The following AGBL4 variants were observed in gnomAD, a reference collection of about 807,000 sequenced individuals.
AGBL4 encodes AGBL carboxypeptidase 4, also known as cytosolic carboxypeptidase 6.
In AGBL4, 58 loss-of-function variants were observed where a neutral mutation model predicts 66.4. That is an observed-to-expected ratio of 0.87 (90% CI 0.71 to 1.09). The LOEUF is 1.09. AGBL4 is among the 50% of genes least tolerant of loss of function. AGBL4 has a pLI of 0.00. For synonymous variants in AGBL4, 234 were observed against 222.9 expected, an observed-to-expected ratio of 1.05 and a Z score of -0.44; for missense variants, 579 against 631.0, an observed-to-expected ratio of 0.92 and a Z score of 0.88.
At position 48,837,676 on chromosome 1, in the gene AGBL4, ACACACACACACG is replaced by A. The variant is rs780514675; in HGVS notation, c.634+29503_634+29514del. ...TATTACTTAATGAACACACACACAC[ACACACACACACG>A]CACACACACGCACACACACACACTA... On this transcript the variant is annotated intron_variant, in intron 6 of 13. Transcript: ENST00000371839. 8.5e-3 allele frequency among the ~76,000 whole-genome samples: 1,196 copies of A among 140,320 alleles called. 16 individuals are homozygous for A. Among genetic ancestry groups the A allele is most frequent in the Non-Finnish European group, 0.013 (853 of 65,258 alleles). 92.1% of individuals were successfully genotyped at this position (140,320 alleles called of 152,430 possible).
At chr1:48,999,797 C>A (rs1490957169) in intron 5 of AGBL4, among the ~76,000 whole-genome samples, 2 of 152,288 alleles carry the variant, frequency 1.3e-5, no homozygotes. Flanking sequence ...TGAATCTCCA[C>A]TATTTTGGGA....
chr1:48,861,901 AG>A (rs1349574784), intron 6 of AGBL4, among the ~76,000 whole-genome samples: 2 of 152,134 alleles, frequency 1.3e-5, no homozygotes, highest in African/African-American at 2.4e-5. Flanking sequence ...CCTAAGAGAT[AG>A]TTTATTTTTC....
chr1:49,410,554 C>T (rs1397036173), intron 3 of AGBL4, among the ~76,000 whole-genome samples: 1 of 152,110 alleles, frequency 6.6e-6, no homozygotes, highest in Non-Finnish European at 1.5e-5. Flanking sequence ...CATGCTCTTT[C>T]CTCTGTATCA....
At chr1:48,898,629 T>C (rs1651770221) in intron 5 of AGBL4, among the ~76,000 whole-genome samples, 1 of 142,594 alleles carries the variant, frequency 7.0e-6, no homozygotes, top group African/African-American at 2.6e-5. Flanking sequence ...TTCTCTATTC[T>C]GTTTCATTGG....
At chr1:49,919,265 G>T (rs565205337) in intron 1 of AGBL4, among the ~76,000 whole-genome samples, 4 of 152,136 alleles carry the variant, frequency 2.6e-5, no homozygotes, top group East Asian at 1.9e-4. Flanking sequence ...AAATAAAGGG[G>T]ATTCAATTAG....
chr1:48,578,585 G>A (rs967089018), intron 11 of AGBL4, among the ~76,000 whole-genome samples: 2 of 152,090 alleles, frequency 1.3e-5, no homozygotes, highest in Admixed American at 6.5e-5. Context: ...GTCCTCCACC[G>A]AAAATTTAGT....
rs143718426 is a variant in AGBL4 at position 49,217,397 on chromosome 1, T to C, written c.377+28373A>G. Among the ~76,000 whole-genome samples the C allele has an allele frequency of 7.2e-5, 11 of 152,280 alleles. 1 individual carries two copies. The highest frequency in any genetic ancestry group is 2.6e-4 in the African/African-American group (11 of 41,576). ...GCTATTATTTTGTCTGGAAAATGCATGACCAGTTCCCATTTTCTTTTTATC... is the reference window on the plus strand; with the variant it reads ...GCTATTATTTTGTCTGGAAAATGCACGACCAGTTCCCATTTTCTTTTTATC... On this transcript the variant is annotated intron_variant, in intron 4 of 13. Coordinates refer to ENST00000371839, the MANE Select transcript of AGBL4 (RefSeq NM_032785.4).
chr1:48,592,018 G>T (rs1043016344), intron 9 of AGBL4, among the ~76,000 whole-genome samples: 2 of 152,182 alleles, frequency 1.3e-5, no homozygotes, highest in African/African-American at 4.8e-5. Context: ...CAGGGGTGGG[G>T]TGATTTTTAG....
intron 9 of AGBL4, among the ~76,000 whole-genome samples, chr1:48,619,460 A>T (rs1234080967): frequency 6.6e-6 from 1 of 152,134 alleles, no homozygotes; most frequent in Non-Finnish European, 1.5e-5. Context: ...TGTTATATGG[A>T]CTAGATGAAA....
At chr1:49,958,734 C>A (rs1030399294) in intron 1 of AGBL4, among the ~76,000 whole-genome samples, 2 of 151,448 alleles carry the variant, frequency 1.3e-5, no homozygotes, top group Admixed American at 6.6e-5. Context: ...AGGAGATATA[C>A]CTAATGTATA....
At chr1:49,202,810 A>T (rs1389663991) in intron 4 of AGBL4, among the ~76,000 whole-genome samples, 1 of 152,126 alleles carries the variant, frequency 6.6e-6, no homozygotes, top group Non-Finnish European at 1.5e-5. Context: ...CAACCAACAG[A>T]GTGAAAAGGC....
intron 4 of AGBL4, among the ~76,000 whole-genome samples, chr1:49,129,760 G>C (rs1645849167): frequency 6.6e-6 from 1 of 152,062 alleles, no homozygotes; most frequent in Non-Finnish European, 1.5e-5. Context: ...TGTGAATAGT[G>C]CCACAATAAA....
At chr1:49,649,296 C>T (rs1457683116) in intron 3 of AGBL4, among the ~76,000 whole-genome samples, 5 of 151,942 alleles carry the variant, frequency 3.3e-5, no homozygotes, top group Non-Finnish European at 7.4e-5. Flanking sequence ...AAATTTAATG[C>T]CAATTTCTAA....
intron 2 of AGBL4, among the ~76,000 whole-genome samples, chr1:49,716,045 G>C (rs918709899): frequency 6.6e-6 from 1 of 152,074 alleles, no homozygotes; most frequent in Non-Finnish European, 1.5e-5. Context: ...CTCTTGAAAG[G>C]TATTGCCTAG....
chr1:49,514,658 A>G (rs1358639452), intron 3 of AGBL4, among the ~76,000 whole-genome samples: 1 of 152,124 alleles, frequency 6.6e-6, no homozygotes, highest in Non-Finnish European at 1.5e-5. Flanking sequence ...TACGGTAACC[A>G]AAACAGCATG....
chr1:49,390,736 A>T (rs1409098511), intron 3 of AGBL4, among the ~76,000 whole-genome samples: 4 of 152,240 alleles, frequency 2.6e-5, no homozygotes, highest in African/African-American at 9.6e-5. Flanking sequence ...CTGTTATCTT[A>T]TAATGGTCAT....
chr1:49,922,150 A>G (rs1652321310), intron 1 of AGBL4, among the ~76,000 whole-genome samples: 1 of 152,178 alleles, frequency 6.6e-6, no homozygotes, highest in Non-Finnish European at 1.5e-5. Flanking sequence ...GATGAGTCAC[A>G]TTTATTGATT....
At position 48,616,552 on chromosome 1, in the gene AGBL4, A is replaced by G. The variant is rs78454834; in HGVS notation, c.951+17941T>C. ...CTCTATGTATAAGGTTTACAACCCA[A>G]TTGGGCCAAATTACTTCATCCCCCG... is the stretch of plus-strand genomic sequence containing the variant. On this transcript the variant is annotated intron_variant, in intron 9 of 13. Coordinates refer to ENST00000371839, the MANE Select transcript of AGBL4 (RefSeq NM_032785.4). Among the ~76,000 whole-genome samples, 680 of 152,322 alleles carry G rather than the reference A, an allele frequency of 4.5e-3. 7 individuals carry two copies. Among genetic ancestry groups the G allele is most frequent in the African/African-American group, 0.015 (610 of 41,568 alleles).
At chr1:49,818,923 G>C (rs1277792618) in intron 2 of AGBL4, among the ~76,000 whole-genome samples, 2 of 152,158 alleles carry the variant, frequency 1.3e-5, no homozygotes, top group East Asian at 3.9e-4. Context: ...ACAAGGAAAT[G>C]AGTGACACAG....
Sources: gnomAD v4.1 joint callset for allele counts (sites outside exome capture counted in the v4.1 genomes callset) on GRCh38, gnomAD v4.1.1 for gene constraint, MANE v1.5 for transcripts, NCBI Gene and HGNC (gene_info 2026-07-23, HGNC 2026-07-21) for gene names.